The following FBN1 variants were observed in gnomAD, a reference collection of about 807,000 sequenced individuals.
FBN1 encodes the protein fibrillin 1.
A neutral mutation model predicts 365.1 loss-of-function variants in FBN1; 29 were observed. The observed-to-expected ratio is 0.08, with a 90% confidence interval of 0.06 to 0.11. The LOEUF is 0.11. Among genes scored for constraint, FBN1 ranks in the 10% least tolerant of loss-of-function variants. The pLI, the probability that FBN1 is intolerant of heterozygous loss-of-function variation, is 1.00. For missense variants in FBN1, 2,476 were observed against 3,703.2 expected (o/e 0.67, Z 8.60); for synonymous variants, 1,210 against 1,270.5 (o/e 0.95, Z 1.01).
At chr15:48,568,147 A>G (rs574190759) in intron 6 of FBN1, among the ~76,000 whole-genome samples, 36 of 151,214 alleles carry the variant, frequency 2.4e-4, no homozygotes, top group African/African-American at 8.7e-4. Context: ...CTACCAAAAA[A>G]AAAAAAAAAA....
At position 48,515,368 on chromosome 15, in the gene FBN1, C is replaced by T. The variant is rs1044516005; in HGVS notation, c.1468+19G>A. On this transcript the variant is annotated intron_variant, in intron 12 of 65. Coordinates refer to ENST00000316623, the MANE Select transcript of FBN1 (RefSeq NM_000138.5). ...AATTACAACAGACCCTTGGTGCCAA[C>T]CTAGGATGGATCACGTACCAATACA... 3 of 1,613,572 alleles carry T rather than the reference C, an allele frequency of 1.9e-6. No homozygotes were observed. Among genetic ancestry groups the T allele is most frequent in the African/African-American group, 1.3e-5 (1 of 74,864 alleles).
At chr15:48,412,818 A>G in intron 64 of FBN1, 75 bp from the exon 65 acceptor site, 1 of 1,561,748 alleles carries the variant, frequency 6.4e-7, no homozygotes, top group South Asian at 1.1e-5. Context: ...AGTTCTGGTG[A>G]AGCCTGTTCC....
intron 2 of FBN1, among the ~76,000 whole-genome samples, chr15:48,613,300 T>C (rs953934273): frequency 6.6e-6 from 1 of 152,228 alleles, no homozygotes; most frequent in African/African-American, 2.4e-5. Flanking sequence ...ATATCACCTA[T>C]GCATATGGCC....
rs576092335 is a variant in FBN1 at position 48,479,436 on chromosome 15, A to C, written c.3964+2219T>G. Among the ~76,000 whole-genome samples, 3 of 152,306 alleles carry C rather than the reference A, an allele frequency of 2.0e-5. No homozygotes were observed. The East Asian group carries it at 5.8e-4, about 29-fold the overall frequency. ...ATTTACTAAGAACACAATTCAGGGT[A>C]CTACTCCTTCAGATGAGAATATCAC... is the stretch of plus-strand genomic sequence containing the variant. On this transcript the variant is annotated intron_variant, in intron 32 of 65. Transcript: ENST00000316623.
chr15:48,465,731 T>A, intron 39 of FBN1, 38 bp from the exon 40 acceptor site: 1 of 1,613,716 alleles, frequency 6.2e-7, no homozygotes, highest in Non-Finnish European at 8.5e-7. Context: ...TTTAGCATTG[T>A]AAATAAACCC....
chr15:48,528,032 G>T (rs1274597681), intron 8 of FBN1, among the ~76,000 whole-genome samples: 1 of 152,224 alleles, frequency 6.6e-6, no homozygotes, highest in African/African-American at 2.4e-5. Context: ...AAGGATAGAG[G>T]AAGCTATAAT....
At chr15:48,643,656 GA>G (rs1890238226) in intron 2 of FBN1, 1 of 152,044 alleles carries the variant, frequency 6.6e-6, no homozygotes, top group East Asian at 1.9e-4. Flanking sequence ...GCATCAGCGA[GA>G]ATGGTAAGAA....
intron 1 of FBN1, among the ~76,000 whole-genome samples, chr15:48,645,203 G>A (rs966662332): frequency 6.6e-6 from 1 of 152,114 alleles, no homozygotes; most frequent in Non-Finnish European, 1.5e-5. Context: ...TATCCCCAGC[G>A]GTCCTAAGCC....
At chr15:48,532,506 A>ATGTGTG (rs528870539) in intron 8 of FBN1, among the ~76,000 whole-genome samples, 62 of 149,724 alleles carry the variant, frequency 4.1e-4, no homozygotes, top group African/African-American at 1.4e-3. Context: ...ATATATGTGT[A>ATGTGTG]TGTGTGTGTG....
At chr15:48,617,439 C>T (rs910095981) in intron 2 of FBN1, among the ~76,000 whole-genome samples, 6 of 152,160 alleles carry the variant, frequency 3.9e-5, no homozygotes, top group Non-Finnish European at 7.3e-5. Context: ...TCCCAAAGTG[C>T]TGGGATTAAA....
At chr15:48,504,618 A>G (rs562718432) in intron 16 of FBN1, among the ~76,000 whole-genome samples, 23 of 152,312 alleles carry the variant, frequency 1.5e-4, no homozygotes, top group African/African-American at 5.3e-4. Flanking sequence ...TAAAACTACT[A>G]TCATACAGGT....
chr15:48,463,578 G>A (rs1013162349), intron 41 of FBN1, among the ~76,000 whole-genome samples: 4 of 152,188 alleles, frequency 2.6e-5, no homozygotes, highest in East Asian at 1.9e-4. Context: ...TTTCCGACTC[G>A]TGATGTTTTA....
At chr15:48,604,539 C>A (rs1006013967) in intron 4 of FBN1, among the ~76,000 whole-genome samples, 7 of 152,114 alleles carry the variant, frequency 4.6e-5, no homozygotes, top group African/African-American at 1.7e-4. Context: ...CACTAAAATT[C>A]TCAAACAAAC....
chr15:48,548,783 C>T (rs2044117760), intron 6 of FBN1, among the ~76,000 whole-genome samples: 1 of 152,178 alleles, frequency 6.6e-6, no homozygotes, highest in Non-Finnish European at 1.5e-5. Context: ...ACAATTTTCT[C>T]CAACTGTGGA....
intron 42 of FBN1, among the ~76,000 whole-genome samples, chr15:48,460,653 C>T (rs1008779639): frequency 2.6e-5 from 4 of 152,056 alleles, no homozygotes; most frequent in Non-Finnish European, 4.4e-5. Flanking sequence ...AAGAGTGCCT[C>T]TCTCTACTCT....
chr15:48,603,508 A>G (rs1164167551), intron 4 of FBN1, among the ~76,000 whole-genome samples: 1 of 152,254 alleles, frequency 6.6e-6, no homozygotes, highest in Non-Finnish European at 1.5e-5. Flanking sequence ...AATAGTTTAC[A>G]GAGAATATAT....
chr15:48,632,401 T>C (rs1265337529), intron 2 of FBN1, among the ~76,000 whole-genome samples: 1 of 152,166 alleles, frequency 6.6e-6, no homozygotes, highest in Non-Finnish European at 1.5e-5. Context: ...TAGCTAAACA[T>C]GTCAGGCATA....
chr15:48,597,338 T>C (rs983388097), intron 5 of FBN1, among the ~76,000 whole-genome samples: 1 of 152,192 alleles, frequency 6.6e-6, no homozygotes, highest in Non-Finnish European at 1.5e-5. Context: ...AAGGGCAGGC[T>C]CACAGCCAAT....
At chr15:48,551,278 A>G (rs1477987891) in intron 6 of FBN1, among the ~76,000 whole-genome samples, 3 of 152,298 alleles carry the variant, frequency 2.0e-5, no homozygotes, top group African/African-American at 7.2e-5. Context: ...TACCATGGGT[A>G]CACATAACCA....
Sources: allele counts gnomAD v4.1 joint callset (sites outside exome capture counted in the v4.1 genomes callset), GRCh38; gene constraint gnomAD v4.1.1; transcripts MANE v1.5; gene names NCBI Gene and HGNC (gene_info 2026-07-23, HGNC 2026-07-21).